UTRN: variants seen among roughly 807,000 people sequenced by gnomAD.
The protein encoded by UTRN is utrophin, also known as dystrophin-related protein 1.
Under a neutral mutation model 463.9 loss-of-function variants are expected in UTRN, and 283 were observed. That is an observed-to-expected ratio of 0.61 (90% CI 0.55 to 0.67). The LOEUF (loss-of-function observed/expected upper bound fraction) is 0.67. Among genes scored for constraint, UTRN ranks in the 30% least tolerant of loss-of-function variants. The pLI, the probability that UTRN is intolerant of heterozygous loss-of-function variation, is 0.00. For synonymous variants in UTRN, 1,442 were observed against 1,431.5 expected (o/e 1.01, Z -0.17); for missense variants, 3,922 against 4,084.3 (o/e 0.96, Z 1.08).
chr6:144,615,935 C>T (rs1806037534), intron 51 of UTRN, among the ~76,000 whole-genome samples: 2 of 152,202 alleles, frequency 1.3e-5, no homozygotes, highest in South Asian at 4.2e-4. Context: ...GGCCATTTGT[C>T]TCTCTGACAT....
At chr6:144,643,567 C>T (rs551020707) in intron 51 of UTRN, among the ~76,000 whole-genome samples, 2 of 152,084 alleles carry the variant, frequency 1.3e-5, no homozygotes, top group South Asian at 2.1e-4. Context: ...GAGGCTGAGG[C>T]GGGCAGATCA....
rs1782480732 is a variant in UTRN at position 144,851,496 on chromosome 6, A to G, written c.*499A>G. ...TGGTTATTTATAATTTATCAGCCATATGTTTATCAGCCATATAACCAACTA... is the reference window on the plus strand; with the variant it reads ...TGGTTATTTATAATTTATCAGCCATGTGTTTATCAGCCATATAACCAACTA... On this transcript the variant is annotated 3_prime_UTR_variant, in exon 75 of 75. Transcript: ENST00000367545. 6.4e-6 allele frequency: 1 copy of G among 157,132 alleles called. No individual in the cohort carries two copies. Among genetic ancestry groups the G allele is most frequent in the Admixed American group, 6.1e-5 (1 of 16,354 alleles). 9.7% of individuals were successfully genotyped at this position (157,132 alleles called of 1,614,324 possible). A position where few individuals can be genotyped will look rare whatever the true frequency, so the allele number is the denominator to read the frequency against.
At chr6:144,819,913 T>TC (rs1290959730) in intron 65 of UTRN, among the ~76,000 whole-genome samples, 61 of 122,772 alleles carry the variant, frequency 5.0e-4, no homozygotes, top group South Asian at 2.6e-3. Context: ...CTCCTCCTCC[T>TC]CTCTCTCTCT....
chr6:144,619,602 G>A (rs576931346), intron 51 of UTRN, among the ~76,000 whole-genome samples: 76 of 152,276 alleles, frequency 5.0e-4, no homozygotes, highest in Admixed American at 2.4e-3. Flanking sequence ...ATTTATTTCT[G>A]GAGATGTACA....
chr6:144,471,230 G>T (rs944516010), intron 23 of UTRN, among the ~76,000 whole-genome samples: 5 of 152,118 alleles, frequency 3.3e-5, no homozygotes, highest in African/African-American at 9.7e-5. Flanking sequence ...GAAGGAGGGA[G>T]GAGGGAAGGC....
chr6:144,626,884 T>C (rs1775999688), intron 51 of UTRN, among the ~76,000 whole-genome samples: 1 of 152,198 alleles, frequency 6.6e-6, no homozygotes, highest in African/African-American at 2.4e-5. Flanking sequence ...GTGATCCACC[T>C]GGTGTTGTGG....
At position 144,732,249 on chromosome 6, in the gene UTRN, T is replaced by TACAC. The variant is rs1412261127; in HGVS notation, c.7939+1764_7939+1765insCACA. On this transcript the variant is annotated intron_variant, in intron 54 of 74. Transcript: ENST00000367545. ...ATATATATATATATACATATATATA[T>TACAC]ATATATATACACACATATATATATA... 4.3e-5 allele frequency among the ~76,000 whole-genome samples: 5 copies of TACAC among 116,814 alleles called. No homozygotes were observed. The East Asian group carries it at 9.9e-4, about 23-fold the overall frequency. The allele number at this position is 116,814 out of a possible 152,430, so 76.6% of individuals were successfully genotyped here. A position where few individuals can be genotyped will look rare whatever the true frequency, so the allele number is the denominator to read the frequency against.
intron 13 of UTRN, among the ~76,000 whole-genome samples, chr6:144,440,949 G>A (rs1284433223): frequency 2.0e-5 from 3 of 152,252 alleles, no homozygotes; most frequent in South Asian, 4.1e-4. Context: ...AAAACCATCA[G>A]ACCTCGTGAG....
At chr6:144,708,471 T>A in intron 53 of UTRN, 2 of 576,544 alleles carry the variant, frequency 3.5e-6, no homozygotes, top group South Asian at 1.9e-5. Flanking sequence ...TCCTCACGCC[T>A]TCATCCCCTC....
At chr6:144,791,856 G>A (rs1002584551) in intron 62 of UTRN, among the ~76,000 whole-genome samples, 3 of 152,296 alleles carry the variant, frequency 2.0e-5, no homozygotes, top group East Asian at 3.9e-4. Flanking sequence ...ATAGCCATAT[G>A]CCTCAAAAGA....
At chr6:144,391,052 C>CA (rs1410276158) in intron 2 of UTRN, among the ~76,000 whole-genome samples, 2 of 151,504 alleles carry the variant, frequency 1.3e-5, no homozygotes, top group Non-Finnish European at 2.9e-5. Flanking sequence ...ACAAACATAA[C>CA]AAAGAGTTGG....
chr6:144,577,438 A>C lies in UTRN; in HGVS notation c.7479+150A>C. ...CTCCTGTGAATAATAGGTTTCTTGA[A>C]ATAAGCTCTATTAGATATTTTTACT... On this transcript the variant is annotated intron_variant, in intron 51 of 74. Coordinates refer to ENST00000367545, the MANE Select transcript of UTRN (RefSeq NM_007124.3). 4.9e-6 allele frequency: 4 copies of C among 815,460 alleles called. No homozygotes were observed. In the East Asian group the frequency reaches 1.1e-4, roughly 22 times the overall value. The allele number at this position is 815,460 out of a possible 1,614,324, so 50.5% of individuals were successfully genotyped here. A position where few individuals can be genotyped will look rare whatever the true frequency, so the allele number is the denominator to read the frequency against.
chr6:144,445,571 CT>C lies in UTRN; in HGVS notation c.1614+1190del, dbSNP rs60625748. On this transcript the variant is annotated intron_variant, in intron 14 of 74. Transcript: ENST00000367545. ...GTTAATGACTACTTCCCCCCCCGCC[CT>C]CAATCTGTGGTCAGATTTTTCTTAT... Among the ~76,000 whole-genome samples, 687 of 151,322 alleles carry C rather than the reference CT, an allele frequency of 4.5e-3. 15 individuals are homozygous for C. The highest frequency in any genetic ancestry group is 0.016 in the African/African-American group (637 of 40,990).
intron 51 of UTRN, among the ~76,000 whole-genome samples, chr6:144,657,465 TTCCTTTC>T (rs1331323200): frequency 6.6e-6 from 1 of 152,150 alleles, no homozygotes; most frequent in Non-Finnish European, 1.5e-5. Context: ...CATACTCTTG[TTCCTTTC>T]TCCTGTCCAG....
intron 4 of UTRN, among the ~76,000 whole-genome samples, chr6:144,423,015 C>T (rs188690492): frequency 1.3e-5 from 2 of 152,304 alleles, no homozygotes; most frequent in East Asian, 1.9e-4. Context: ...CCCTGCCTTC[C>T]GAGGGCTCTT....
At chr6:144,524,427 GTT>G (rs902618022) in intron 41 of UTRN, among the ~76,000 whole-genome samples, 2 of 148,052 alleles carry the variant, frequency 1.4e-5, no homozygotes, top group Non-Finnish European at 3.0e-5. Flanking sequence ...ACATTGACAG[GTT>G]TTTTTTTTAT....
chr6:144,488,189 C>G (rs79432001), intron 29 of UTRN, among the ~76,000 whole-genome samples: 1 of 152,036 alleles, frequency 6.6e-6, no homozygotes, highest in African/African-American at 2.4e-5. Context: ...GATGTTCAGC[C>G]CATGAATAAC....
Position 144,493,491 on chromosome 6 carries a change from C to T in UTRN, c.4593+35C>T, listed in dbSNP as rs545819839. ...GCAGCCCCACAGCTCATCTCTCTGT[C>T]TCTCTCTCTCTCTCTCTCAATCTCT... On this transcript the variant is annotated intron_variant, in intron 33 of 74. Transcript: ENST00000367545. The T allele has an allele frequency of 1.0e-3, 943 of 931,616 alleles. 5 individuals are homozygous for T. Among genetic ancestry groups the T allele is most frequent in the Non-Finnish European group, 1.6e-4 (111 of 706,890 alleles). 57.7% of individuals were successfully genotyped at this position (931,616 alleles called of 1,614,324 possible).
Position 144,852,050 on chromosome 6 carries a change from A to C in UTRN, c.*1053A>C, listed in dbSNP as rs907779707. On this transcript the variant is annotated 3_prime_UTR_variant, in exon 75 of 75. Coordinates refer to ENST00000367545, the MANE Select transcript of UTRN (RefSeq NM_007124.3). ...GTTGTTTTGTATTTTCAAGTCCTTA[A>C]TAGTTCTTGAAACTCCTAGTTGTTT... is the stretch of plus-strand genomic sequence containing the variant. 6.6e-6 allele frequency: 1 copy of C among 152,128 alleles called. No homozygotes were observed. Among genetic ancestry groups the C allele is most frequent in the Non-Finnish European group, 1.5e-5 (1 of 68,016 alleles). The allele number at this position is 152,128 out of a possible 1,614,324, so 9.4% of individuals were successfully genotyped here. A position where few individuals can be genotyped will look rare whatever the true frequency, so the allele number is the denominator to read the frequency against.
Sources: gnomAD v4.1 joint callset for allele counts (sites outside exome capture counted in the v4.1 genomes callset) on GRCh38, gnomAD v4.1.1 for gene constraint, MANE v1.5 for transcripts, NCBI Gene and HGNC (gene_info 2026-07-23, HGNC 2026-07-21) for gene names.